NASP: variants seen among roughly 807,000 people sequenced by gnomAD.
NASP encodes nuclear autoantigenic sperm protein.
In NASP, 24 loss-of-function variants were observed where a neutral mutation model predicts 89.5. That is an observed-to-expected ratio of 0.27 (90% confidence interval 0.19 to 0.38). NASP has a LOEUF of 0.38. NASP is among the 10% of genes least tolerant of loss of function. NASP has a pLI of 1.00. For missense variants in NASP, 848 were observed against 921.4 expected, an observed-to-expected ratio of 0.92 and a Z score of 1.03; for synonymous variants, 306 against 324.7, an observed-to-expected ratio of 0.94 and a Z score of 0.62.
chr1:45,611,049 T>C (rs543413140), intron 6 of NASP: 9 of 152,234 alleles, frequency 5.9e-5, no homozygotes, highest in African/African-American at 1.9e-4. Flanking sequence ...CATATCCACA[T>C]TTCCAAGTGG....
chr1:45,600,286 G>T, intron 2 of NASP: 1 of 727,004 alleles, frequency 1.4e-6, no homozygotes, highest in Non-Finnish European at 1.8e-6. Flanking sequence ...TTCTACATAT[G>T]TATACACCTG....
intron 2 of NASP, among the ~76,000 whole-genome samples, chr1:45,595,787 A>T (rs888008975): frequency 6.6e-6 from 1 of 152,226 alleles, no homozygotes; most frequent in African/African-American, 2.4e-5. Context: ...GAAGTTTATT[A>T]ATTCTCAGTC....
chr1:45,613,421 C>G (rs924376935), intron 7 of NASP, among the ~76,000 whole-genome samples, 173 bp downstream of exon 7: 22 of 152,312 alleles, frequency 1.4e-4, no homozygotes, highest in Middle Eastern at 3.4e-3. Flanking sequence ...GTAGCTGGGA[C>G]TACAGGCTTG....
Position 45,618,542 on chromosome 1 carries a change from T to C in NASP, c.*401T>C, listed in dbSNP as rs893799223. 2.9e-5 allele frequency: 5 copies of C among 171,680 alleles called. No individual in the cohort carries two copies. Among genetic ancestry groups the C allele is most frequent in the Admixed American group, 1.7e-4 (3 of 17,636 alleles). The allele number at this position is 171,680 out of a possible 1,614,324, so 10.6% of individuals were successfully genotyped here. A position where few individuals can be genotyped will look rare whatever the true frequency, so the allele number is the denominator to read the frequency against. ...AAACAAGAATTGGTGAAGATCTTGC[T>C]CTTCAGTGCTGAAAATGGATGATGG... is the stretch of plus-strand genomic sequence containing the variant. On this transcript the variant is annotated 3_prime_UTR_variant, in exon 15 of 15. Coordinates refer to ENST00000350030, the MANE Select transcript of NASP (RefSeq NM_002482.4).
In NASP at chr1:45,615,178, T is replaced by G; in HGVS notation, c.1832T>G (p.Ile611Ser). ...DEAVAQFSKS[I>S]EVIENRMAVL... ...GCAGTGGCACAGTTCAGCAAATCTA[T>G]TGAAGTCATTGAGAACAGAATGGGT... Residue 611 changes from isoleucine to serine, a missense_variant, in exon 10 of 15, where the codon ATT becomes AGT. Physicochemically the swap from Ile to Ser is moderately radical, Grantham distance 142 (BLOSUM62 -2). Transcript: ENST00000350030. The G allele has an allele frequency of 3.1e-6, 5 of 1,614,162 alleles. No homozygotes were observed. The highest frequency in any genetic ancestry group is 1.6e-4 in the Middle Eastern group (1 of 6,062).
chr1:45,606,038 A>G (rs1478090037), intron 4 of NASP, among the ~76,000 whole-genome samples: 1 of 152,142 alleles, frequency 6.6e-6, no homozygotes, highest in Non-Finnish European at 1.5e-5. Flanking sequence ...CACCTCCCAA[A>G]GTGATGGGAT....
At chr1:45,588,974 TG>T (rs1643440802) in intron 1 of NASP, 4 of 172,062 alleles carry the variant, frequency 2.3e-5, no homozygotes, top group Non-Finnish European at 5.0e-5. Flanking sequence ...TTTGTTTGTT[TG>T]TTTGTTTGTG....
chr1:45,618,062 C>T lies in NASP; in HGVS notation c.2288C>T (p.Ala763Val), dbSNP rs1174233089. 1 of 1,599,220 alleles carries T rather than the reference C, an allele frequency of 6.3e-7. No homozygotes were observed. Among genetic ancestry groups the T allele is most frequent in the Admixed American group, 1.7e-5 (1 of 58,134 alleles). Reference sequence around the variant, plus strand: ...GCCCAGGTTCTGTTTGTCTTCCAGGCTGAGAATCAGGCTGAAAGCCGGGCA... The same window carrying T: ...GCCCAGGTTCTGTTTGTCTTCCAGGTTGAGAATCAGGCTGAAAGCCGGGCA... ...NEVSENMEEE[A>V]ENQAESRAAV... The change falls in exon 15 of 15, where the codon GCT (alanine) becomes GTT (valine). Residue 763 changes from alanine to valine, a missense_variant and splice_region_variant. By Grantham distance (64) the Ala-to-Val change is moderately conservative. Coordinates refer to ENST00000350030, the MANE Select transcript of NASP (RefSeq NM_002482.4).
At position 45,608,150 on chromosome 1, in the gene NASP, G is replaced by A. The variant is rs781136472; in HGVS notation, c.1239G>A (p.Lys413=). Residue 413 remains lysine, a synonymous_variant, in exon 6 of 15, where the codon AAG becomes AAA. Coordinates refer to ENST00000350030, the MANE Select transcript of NASP (RefSeq NM_002482.4). ...ETKDGSGLEE[K]VRAKLVPSQE... ...AAGATGGCTCAGGACTAGAGGAGAA[G>A]GTCAGGGCAAAGCTGGTTCCTAGTC... 19 of 1,614,174 alleles carry A rather than the reference G, an allele frequency of 1.2e-5. No homozygotes were observed. The South Asian group carries it at 2.1e-4, about 18-fold the overall frequency.
In NASP at chr1:45,617,202, A is replaced by G; in HGVS notation, c.2158-261A>G. Reference sequence around the variant, plus strand: ...CAAACACAGGAATTCAAACTTGTACAGTGATTACCATTCACATCTCCTCAC... The same window carrying G: ...CAAACACAGGAATTCAAACTTGTACGGTGATTACCATTCACATCTCCTCAC... On this transcript the variant is annotated intron_variant, in intron 13 of 14. Transcript: ENST00000350030. The G allele has an allele frequency of 1.3e-5, 5 of 397,060 alleles. No individual in the cohort carries two copies. The South Asian group carries it at 1.4e-4, about 11-fold the overall frequency. 24.6% of individuals were successfully genotyped at this position (397,060 alleles called of 1,614,324 possible). A position where few individuals can be genotyped will look rare whatever the true frequency, so the allele number is the denominator to read the frequency against.
At chr1:45,617,379 C>T (rs994963000) in intron 13 of NASP, 84 bp from the exon 14 acceptor site, 26 of 1,490,628 alleles carry the variant, frequency 1.7e-5, no homozygotes, top group Non-Finnish European at 2.0e-5. Context: ...GATCTTTGCA[C>T]CACAAGGGTT....
At chr1:45,585,018 TG>T (rs1471464392) in intron 1 of NASP, among the ~76,000 whole-genome samples, 2 of 152,224 alleles carry the variant, frequency 1.3e-5, no homozygotes, top group Admixed American at 6.5e-5. Context: ...AAGCGCTGTC[TG>T]GAGCTCTCAC....
At chr1:45,585,968 G>A (rs1644527831) in intron 1 of NASP, among the ~76,000 whole-genome samples, 1 of 152,162 alleles carries the variant, frequency 6.6e-6, no homozygotes, top group African/African-American at 2.4e-5. Flanking sequence ...TTTTGAGGTA[G>A]AAGTATGCAA....
chr1:45,602,976 C>G (rs1643871149), intron 3 of NASP, among the ~76,000 whole-genome samples: 1 of 152,176 alleles, frequency 6.6e-6, no homozygotes, highest in African/African-American at 2.4e-5. Context: ...TCTGTGGAAA[C>G]TCTTTAGGTC....
chr1:45,606,745 C>T (rs187026436), intron 5 of NASP, 154 bp downstream of exon 5: 92 of 492,386 alleles, frequency 1.9e-4, no homozygotes, highest in African/African-American at 1.7e-3. Context: ...GTGGGGATAG[C>T]TGTTTACTGA....
At chr1:45,602,402 G>C (rs1340850980) in intron 3 of NASP, 37 bp downstream of exon 3, 3 of 1,579,770 alleles carry the variant, frequency 1.9e-6, no homozygotes, top group Non-Finnish European at 2.6e-6. Flanking sequence ...GTAATATTAT[G>C]TTCTAATAAA....
At chr1:45,607,222 T>C (rs747978624) in intron 5 of NASP, 99 bp from the exon 6 acceptor site, 41 of 1,273,854 alleles carry the variant, frequency 3.2e-5, no homozygotes, top group Non-Finnish European at 4.2e-5. Context: ...CTTGGTAGGC[T>C]TTTTGAGGGT....
intron 6 of NASP, 54 bp downstream of exon 6, chr1:45,608,391 CACT>C (rs1557662233): frequency 5.2e-6 from 8 of 1,525,862 alleles, no homozygotes; most frequent in Non-Finnish European, 5.3e-6. Context: ...GGATTTGACT[CACT>C]AATTATGGGT....
intron 1 of NASP, among the ~76,000 whole-genome samples, chr1:45,587,625 A>G (rs1255853620): frequency 7.4e-6 from 1 of 134,580 alleles, no homozygotes; most frequent in Admixed American, 7.9e-5. Context: ...TGTTAATTCA[A>G]CATTTCTAGG....
Sources: allele counts gnomAD v4.1 joint callset (sites outside exome capture counted in the v4.1 genomes callset), GRCh38; gene constraint gnomAD v4.1.1; transcripts MANE v1.5; gene names NCBI Gene and HGNC (gene_info 2026-07-23, HGNC 2026-07-21).